The following NDST4 variants were observed in gnomAD, a reference collection of about 807,000 sequenced individuals.
NDST4 encodes the protein N-heparan sulfate sulfotransferase 4.
A neutral mutation model predicts 100.8 loss-of-function variants in NDST4; 63 were observed. The ratio of observed to expected loss-of-function variants is 0.62; its 90% CI spans 0.51 to 0.77. NDST4 has a LOEUF of 0.77. NDST4 is among the 30% of genes least tolerant of loss of function. NDST4 has a pLI of 0.00. For synonymous variants in NDST4, 377 were observed against 361.8 expected (o/e 1.04, Z -0.48); for missense variants, 943 against 1,018.4 (o/e 0.93, Z 1.01).
At chr4:115,014,072 G>C (rs2126261973) in intron 2 of NDST4, among the ~76,000 whole-genome samples, 1 of 152,176 alleles carries the variant, frequency 6.6e-6, no homozygotes, top group East Asian at 1.9e-4. Context: ...TATTGCTTGA[G>C]AAACAGCACA....
chr4:114,903,785 A>G (rs1724894801), intron 6 of NDST4, among the ~76,000 whole-genome samples: 1 of 152,026 alleles, frequency 6.6e-6, no homozygotes. Flanking sequence ...AAGAAAAAGC[A>G]ACATAGGCAC....
intron 6 of NDST4, among the ~76,000 whole-genome samples, chr4:114,879,476 C>T (rs750723125): frequency 2.1e-4 from 32 of 152,040 alleles, no homozygotes; most frequent in Non-Finnish European, 4.0e-4. Flanking sequence ...CAAAGAGCAC[C>T]CCCATCCCTC....
At chr4:114,974,368 T>C (rs562573802) in intron 3 of NDST4, among the ~76,000 whole-genome samples, 1 of 152,128 alleles carries the variant, frequency 6.6e-6, no homozygotes, top group Non-Finnish European at 1.5e-5. Context: ...TAGAAAATGC[T>C]ATTTTTCATA....
intron 1 of NDST4, among the ~76,000 whole-genome samples, chr4:115,092,467 A>C (rs1729538879): frequency 2.5e-5 from 3 of 117,756 alleles, no homozygotes; most frequent in African/African-American, 8.1e-5. Context: ...AAAAATGATA[A>C]AATGTCAGTT....
intron 11 of NDST4, among the ~76,000 whole-genome samples, chr4:114,836,276 T>C (rs1723303464): frequency 6.6e-6 from 1 of 152,242 alleles, no homozygotes; most frequent in African/African-American, 2.4e-5. Flanking sequence ...TATTTAGTGC[T>C]TCTGTCAGGA....
chr4:114,957,403 A>C (rs1583922), intron 4 of NDST4, among the ~76,000 whole-genome samples: 104,021 of 151,924 alleles, frequency 0.68, 35,676 homozygotes, highest in African/African-American at 0.72. Flanking sequence ...TTCACTATCA[A>C]AAGAATAGTA....
chr4:115,055,756 T>C (rs561351794), intron 2 of NDST4, among the ~76,000 whole-genome samples: 12 of 152,132 alleles, frequency 7.9e-5, no homozygotes, highest in African/African-American at 2.9e-4. Flanking sequence ...GGATGATAGA[T>C]AAAGGGTAAG....
At chr4:114,871,133 T>C (rs1724140896) in intron 6 of NDST4, among the ~76,000 whole-genome samples, 183 bp from the exon 7 acceptor site, 2 of 152,126 alleles carry the variant, frequency 1.3e-5, no homozygotes, top group African/African-American at 4.8e-5. Flanking sequence ...ACTTTTAAAA[T>C]TGAAATTGAA....
At chr4:114,970,393 T>A in intron 4 of NDST4, 37 bp downstream of exon 4, 1 of 1,579,422 alleles carries the variant, frequency 6.3e-7, no homozygotes, top group Non-Finnish European at 8.7e-7. Context: ...AGATCACAAC[T>A]TATAGTTCAA....
Position 114,829,852 on chromosome 4 carries a change from C to T in NDST4, c.2437G>A (p.Gly813Arg), listed in dbSNP as rs1440884715. 4 of 1,612,044 alleles carry T rather than the reference C, an allele frequency of 2.5e-6. No homozygotes were observed. The highest frequency in any genetic ancestry group is 1.1e-5 in the South Asian group (1 of 90,820). ...TTTCCAAGGCATTTTGTCTTTCCTC[C>T]TTCCAGTAATTGACACCAAAAACCC... Reference protein sequence around the residue: ...QKGFWCQLLEGGKTKCLGKSK... With the variant: ...QKGFWCQLLERGKTKCLGKSK... The change falls in exon 13 of 14, where the codon GGA (glycine) becomes AGA (arginine). Residue 813 changes from glycine (G) to arginine (R), a missense_variant. Physicochemically the swap from Gly to Arg is moderately radical, Grantham distance 125. Coordinates refer to ENST00000264363, the MANE Select transcript of NDST4 (RefSeq NM_022569.3).
chr4:115,029,999 C>T lies in NDST4; in HGVS notation c.978+46060G>A, dbSNP rs1330250109. Among the ~76,000 whole-genome samples, 3 of 151,988 alleles carry T rather than the reference C, an allele frequency of 2.0e-5. No individual in the cohort carries two copies. The East Asian group carries it at 5.8e-4, about 29-fold the overall frequency. ...GCTTAGTTAAATTATTTTCTTTCAA[C>T]ACAAAGAAGTCAATATATTTTACCT... is the stretch of plus-strand genomic sequence containing the variant. On this transcript the variant is annotated intron_variant, in intron 2 of 13. Coordinates refer to ENST00000264363, the MANE Select transcript of NDST4 (RefSeq NM_022569.3).
chr4:115,042,244 T>C (rs890387459), intron 2 of NDST4, among the ~76,000 whole-genome samples: 3 of 152,148 alleles, frequency 2.0e-5, no homozygotes, highest in Non-Finnish European at 2.9e-5. Flanking sequence ...GTCCAGTGTA[T>C]CTATGCTATA....
At chr4:114,960,556 A>T (rs908244176) in intron 4 of NDST4, among the ~76,000 whole-genome samples, 2 of 152,208 alleles carry the variant, frequency 1.3e-5, no homozygotes, top group Non-Finnish European at 2.9e-5. Context: ...CAGAAAAAAA[A>T]AATAAAAGAA....
chr4:114,956,618 A>C (rs1310066388), intron 4 of NDST4, among the ~76,000 whole-genome samples: 2 of 152,164 alleles, frequency 1.3e-5, no homozygotes, highest in African/African-American at 4.8e-5. Context: ...CTTCTGACTA[A>C]GCTCTATTCG....
intron 1 of NDST4, among the ~76,000 whole-genome samples, chr4:115,093,620 A>G (rs1016279286): frequency 2.0e-5 from 3 of 152,186 alleles, no homozygotes; most frequent in Non-Finnish European, 4.4e-5. Flanking sequence ...CCAAGCCCCA[A>G]ATGGAGTCTC....
At chr4:115,013,263 A>T (rs1727595734) in intron 2 of NDST4, among the ~76,000 whole-genome samples, 2 of 148,948 alleles carry the variant, frequency 1.3e-5, no homozygotes. Context: ...GAGGTGATGG[A>T]TATCCCATTT....
At chr4:114,867,664 G>GAAAAA (rs1491405935) in intron 7 of NDST4, among the ~76,000 whole-genome samples, 3 of 26,084 alleles carry the variant, frequency 1.2e-4, no homozygotes, top group Non-Finnish European at 1.9e-4. Flanking sequence ...AAAAAAAAAA[G>GAAAAA]CAAAAAAAAA....
intron 6 of NDST4, among the ~76,000 whole-genome samples, chr4:114,923,984 C>T (rs1282164958): frequency 6.6e-6 from 1 of 151,504 alleles, no homozygotes; most frequent in East Asian, 1.9e-4. Context: ...TCTGGAAATA[C>T]ACAGCAGTGC....
chr4:115,059,147 C>A (rs912809010), intron 2 of NDST4, among the ~76,000 whole-genome samples: 1 of 151,730 alleles, frequency 6.6e-6, no homozygotes, highest in Non-Finnish European at 1.5e-5. Flanking sequence ...CCCCAAGAAC[C>A]AAAAGAAAAC....
Sources: gnomAD v4.1 joint callset for allele counts (sites outside exome capture counted in the v4.1 genomes callset) on GRCh38, gnomAD v4.1.1 for gene constraint, MANE v1.5 for transcripts, NCBI Gene and HGNC (gene_info 2026-07-23, HGNC 2026-07-21) for gene names.